Variants in ARMH3 observed in about 807,000 individuals in gnomAD.
ARMH3 encodes the protein armadillo like helical domain containing 3.
Under a neutral mutation model 99.1 loss-of-function variants are expected in ARMH3, and 60 were observed. The observed-to-expected ratio is 0.61, with a 90% CI of 0.49 to 0.75. ARMH3 has a LOEUF of 0.75. Among genes scored for constraint, ARMH3 ranks in the 30% least tolerant of loss-of-function variants. The probability of loss-of-function intolerance (pLI) is 0.00; values close to 1 mark genes in which losing one functional copy is unlikely to be tolerated. For missense variants in ARMH3, 679 were observed against 843.1 expected (o/e 0.81, Z 2.41); for synonymous variants, 285 against 292.8 (o/e 0.97, Z 0.27).
intron 15 of ARMH3, among the ~76,000 whole-genome samples, chr10:102,000,631 A>G (rs1282605711): frequency 8.7e-6 from 1 of 114,528 alleles, no homozygotes; most frequent in East Asian, 4.7e-4. Context: ...TTATCCAGGT[A>G]TAATGGTGCA....
chr10:101,943,132 G>C (rs1272120982), intron 22 of ARMH3, among the ~76,000 whole-genome samples: 2 of 152,206 alleles, frequency 1.3e-5, no homozygotes, highest in Non-Finnish European at 2.9e-5. Context: ...TGTAGACATA[G>C]AGATCAGCAT....
intron 22 of ARMH3, among the ~76,000 whole-genome samples, chr10:101,953,047 T>C: frequency 6.6e-6 from 1 of 152,242 alleles, no homozygotes; most frequent in East Asian, 1.9e-4. Flanking sequence ...ATTTTGTTTA[T>C]CTATTCATCT....
At chr10:101,903,091 G>A (rs560902395) in intron 23 of ARMH3, among the ~76,000 whole-genome samples, 1 of 152,300 alleles carries the variant, frequency 6.6e-6, no homozygotes, top group South Asian at 2.1e-4. Context: ...CTACCAAAAG[G>A]AGAAATTTAG....
intron 18 of ARMH3, among the ~76,000 whole-genome samples, chr10:101,991,749 T>G (rs1175785814): frequency 6.6e-6 from 1 of 152,204 alleles, no homozygotes; most frequent in Non-Finnish European, 1.5e-5. Flanking sequence ...CTCACTGGAA[T>G]GACTTTTTTC....
At chr10:101,944,729 G>A (rs1425427212) in intron 22 of ARMH3, among the ~76,000 whole-genome samples, 3 of 151,954 alleles carry the variant, frequency 2.0e-5, no homozygotes, top group South Asian at 2.1e-4. Context: ...CACAAGAATC[G>A]CTTGAACCCG....
chr10:102,006,150 G>A (rs186122885), intron 14 of ARMH3, among the ~76,000 whole-genome samples: 79 of 152,276 alleles, frequency 5.2e-4, no homozygotes, highest in African/African-American at 1.8e-3. Context: ...GGTAACATCA[G>A]ATAACATTAC....
At chr10:101,967,655 T>C (rs1845596199) in intron 20 of ARMH3, among the ~76,000 whole-genome samples, 1 of 152,084 alleles carries the variant, frequency 6.6e-6, no homozygotes, top group Non-Finnish European at 1.5e-5. Flanking sequence ...GAGAATTGCT[T>C]GAACCAGGGA....
chr10:101,996,114 C>G (rs1185735707), intron 15 of ARMH3, among the ~76,000 whole-genome samples: 1 of 152,196 alleles, frequency 6.6e-6, no homozygotes, highest in Non-Finnish European at 1.5e-5. Context: ...TCCATTACTG[C>G]CAAGTACGAG....
At chr10:101,991,673 G>A (rs991498504) in intron 18 of ARMH3, among the ~76,000 whole-genome samples, 1 of 152,156 alleles carries the variant, frequency 6.6e-6, no homozygotes, top group Admixed American at 6.6e-5. Context: ...GAGCCACTGC[G>A]CCCAGCCTGA....
chr10:102,015,285 A>G (rs1470179999), intron 8 of ARMH3, among the ~76,000 whole-genome samples: 2 of 152,228 alleles, frequency 1.3e-5, no homozygotes, highest in South Asian at 2.1e-4. Flanking sequence ...GCTGACTTAG[A>G]TATGCTGCCA....
chr10:101,858,898 G>A (rs1564694744), intron 24 of ARMH3, among the ~76,000 whole-genome samples: 1 of 152,168 alleles, frequency 6.6e-6, no homozygotes, highest in South Asian at 2.1e-4. Flanking sequence ...CATGTTTGCT[G>A]ACTAATTTAG....
In ARMH3 at chr10:102,040,115, G is replaced by T. The variant is rs188752137; in HGVS notation, c.-1C>A. On this transcript the variant is annotated 5_prime_UTR_variant, in exon 2 of 26. Transcript: ENST00000370033. ...CTCCACGTTTCTCTACCTGTGCCATGGTTAGAGAATCTGTGAACAGAAAGT... is the reference window on the plus strand; with the variant it reads ...CTCCACGTTTCTCTACCTGTGCCATTGTTAGAGAATCTGTGAACAGAAAGT... 164 of 1,613,058 alleles carry T rather than the reference G, an allele frequency of 1.0e-4. No homozygotes were observed. Among genetic ancestry groups the T allele is most frequent in the Non-Finnish European group, 9.9e-5 (117 of 1,179,026 alleles).
chr10:101,882,964 A>C (rs1193220710), intron 24 of ARMH3, among the ~76,000 whole-genome samples: 1 of 152,200 alleles, frequency 6.6e-6, no homozygotes, highest in Non-Finnish European at 1.5e-5. Flanking sequence ...GGTGTGTACT[A>C]ACTCTCTAAA....
intron 14 of ARMH3, among the ~76,000 whole-genome samples, chr10:102,005,639 C>T (rs1312645271): frequency 1.3e-5 from 2 of 152,174 alleles, no homozygotes; most frequent in African/African-American, 4.8e-5. Context: ...TACTTCTTTA[C>T]CAAAACAAGG....
At chr10:102,010,157 T>C in intron 11 of ARMH3, 134 bp from the exon 12 acceptor site, 1 of 693,192 alleles carries the variant, frequency 1.4e-6, no homozygotes, top group Non-Finnish European at 2.5e-6. Context: ...AGGCCATAAG[T>C]CACACACACC....
At chr10:102,053,536 A>C (rs1440179754) in intron 1 of ARMH3, among the ~76,000 whole-genome samples, 1 of 152,014 alleles carries the variant, frequency 6.6e-6, no homozygotes, top group East Asian at 1.9e-4. Flanking sequence ...GGCCGAGTAA[A>C]AATGCCTTTT....
chr10:102,023,618 C>G, intron 7 of ARMH3, 55 bp from the exon 8 acceptor site: 2 of 1,610,032 alleles, frequency 1.2e-6, no homozygotes, highest in Non-Finnish European at 1.7e-6. Context: ...CCTGAGAACA[C>G]AGAGAAAATT....
rs531626660 is a variant in ARMH3 at position 101,898,201 on chromosome 10, A to T, written c.1782-8711T>A. ...CAAAAAAAAAAATTTTTTTTTTTTAAAATTAGCTGGGCATGGTGACATGTG... is the reference window on the plus strand; with the variant it reads ...CAAAAAAAAAAATTTTTTTTTTTTATAATTAGCTGGGCATGGTGACATGTG... On this transcript the variant is annotated intron_variant, in intron 23 of 25. Coordinates refer to ENST00000370033, the MANE Select transcript of ARMH3 (RefSeq NM_024541.3). 2.3e-4 allele frequency among the ~76,000 whole-genome samples: 34 copies of T among 147,362 alleles called. No individual in the cohort carries two copies. In the East Asian group the frequency reaches 6.2e-3, roughly 27 times the overall value.
intron 4 of ARMH3, among the ~76,000 whole-genome samples, chr10:102,032,040 G>C (rs1449452974): frequency 2.0e-5 from 3 of 152,018 alleles, no homozygotes; most frequent in Admixed American, 6.6e-5. Flanking sequence ...GCCCAGCCCA[G>C]GATTCTTCAT....
Sources: gnomAD v4.1 joint callset for allele counts (sites outside exome capture counted in the v4.1 genomes callset) on GRCh38, gnomAD v4.1.1 for gene constraint, MANE v1.5 for transcripts, NCBI Gene and HGNC (gene_info 2026-07-23, HGNC 2026-07-21) for gene names.